The following TRMT44 variants were observed in gnomAD, a reference collection of about 807,000 sequenced individuals.
TRMT44 encodes probable tRNA (uracil-O(2)-)-methyltransferase.
TRMT44 carries 78 observed loss-of-function variants against 77.3 expected under a neutral mutation model. The observed-to-expected ratio is 1.01, with a 90% CI of 0.84 to 1.22. The LOEUF (loss-of-function observed/expected upper bound fraction) is 1.22. TRMT44 is among the 50% of genes most tolerant of loss of function. TRMT44 has a pLI of 0.00. For synonymous variants in TRMT44, 391 were observed against 383.3 expected, an observed-to-expected ratio of 1.02 and a Z score of -0.23; for missense variants, 1,090 against 964.4, an observed-to-expected ratio of 1.13 and a Z score of -1.73.
intron 6 of TRMT44, among the ~76,000 whole-genome samples, chr4:8,463,721 A>T (rs1345300356): frequency 6.6e-6 from 1 of 152,086 alleles, no homozygotes; most frequent in African/African-American, 2.4e-5. Context: ...CTTTTAAATG[A>T]TCCAAAGGCG....
intron 7 of TRMT44, 50 bp downstream of exon 7, chr4:8,464,141 T>TCTAAACAGTGGTGTCCAA: frequency 6.6e-7 from 1 of 1,509,198 alleles, no homozygotes; most frequent in Non-Finnish European, 9.2e-7. Context: ...TGCTTCATCT[T>TCTAAACAGTGGTGTCCAA]CTAAACAGTG....
chr4:8,468,195 A>G lies in TRMT44; in HGVS notation c.1776A>G (p.Arg592=). 8 of 1,614,236 alleles carry G rather than the reference A, an allele frequency of 5.0e-6. No individual in the cohort carries two copies. The highest frequency in any genetic ancestry group is 6.8e-6 in the Non-Finnish European group (8 of 1,180,046). The change falls in exon 9 of 11, where the codon AGA becomes AGG. Residue 592 remains arginine, a synonymous_variant. Transcript: ENST00000389737. ...EGPWLPGFHP[R]EKAERVRNCA... ...CCTGGCTACCTGGATTTCATCCCAG[A>G]GAAAAGGCTGAGCGTGTGAGGAACT... is the stretch of plus-strand genomic sequence containing the variant.
At chr4:8,491,463 G>C (rs1191245438) in intron 2 of TRMT44, among the ~76,000 whole-genome samples, 4 of 152,252 alleles carry the variant, frequency 2.6e-5, no homozygotes, top group Non-Finnish European at 5.9e-5. Flanking sequence ...AGCAGGGGGT[G>C]GTGCTCGTCG....
At chr4:8,505,782 G>A in the TRMT44 span, among the ~76,000 whole-genome samples, 2 of 152,204 alleles carry the variant, frequency 1.3e-5, no homozygotes, top group African/African-American at 2.4e-5. Context: ...CCTGGTGGGA[G>A]GTGATTGGAT....
At chr4:8,468,449 A>G (rs1358185354) in intron 9 of TRMT44, 103 bp downstream of exon 9, 2 of 1,228,910 alleles carry the variant, frequency 1.6e-6, no homozygotes, top group Non-Finnish European at 2.4e-6. Context: ...CCCTGTGACT[A>G]CACACTTTGA....
At chr4:8,472,647 CCT>C (rs1472144681) in intron 10 of TRMT44, among the ~76,000 whole-genome samples, 4 of 152,190 alleles carry the variant, frequency 2.6e-5, no homozygotes, top group African/African-American at 7.2e-5. Context: ...GCTGAACTGG[CCT>C]CTCTAGGTGA....
chr4:8,501,079 C>A, the TRMT44 span, among the ~76,000 whole-genome samples: 1 of 152,226 alleles, frequency 6.6e-6, no homozygotes, highest in Non-Finnish European at 1.5e-5. The surrounding 1 kb of genome is among the most constrained non-coding windows in gnomAD (Gnocchi z 4.4). Context: ...CCGGATGCAG[C>A]CCTGCCAGGC....
At chr4:8,468,387 C>T in intron 9 of TRMT44, 41 bp downstream of exon 9, 1 of 1,593,874 alleles carries the variant, frequency 6.3e-7, no homozygotes. Context: ...AGCACGCTCC[C>T]AGGCTTGAGG....
At chr4:8,482,897 G>A (rs535981771) in intron 2 of TRMT44, among the ~76,000 whole-genome samples, 22 of 134,476 alleles carry the variant, frequency 1.6e-4, no homozygotes, top group African/African-American at 4.1e-4. Context: ...GTGTGGGGGC[G>A]GCAAAAATTT....
chr4:8,468,094 G>C lies in TRMT44; in HGVS notation c.1675G>C (p.Ala559Pro). ...TGCTGGTCACTGTGACGGTCAGCAA[G>C]CTCTGGACGCCAGGGTCGGGTGTGT... ...GSAGHCDGQQ[A>P]LDARVGCVTR... The change falls in exon 9 of 11, where the codon GCT becomes CCT. Residue 559 changes from alanine to proline, a missense_variant. Physicochemically the swap from Ala to Pro is conservative, Grantham distance 27. Coordinates refer to ENST00000389737, the MANE Select transcript of TRMT44 (RefSeq NM_152544.3). 1 of 1,613,978 alleles carries C rather than the reference G, an allele frequency of 6.2e-7. No individual in the cohort carries two copies. The highest frequency in any genetic ancestry group is 8.5e-7 in the Non-Finnish European group (1 of 1,180,022).
At chr4:8,479,484 T>C (rs568276897), downstream of TRMT44, 5 of 152,110 alleles carry the variant, frequency 3.3e-5, no homozygotes, top group East Asian at 1.9e-4. Context: ...ACCAGACGCC[T>C]GCACAGCACA....
the TRMT44 span, among the ~76,000 whole-genome samples, chr4:8,507,937 G>T: frequency 2.6e-5 from 4 of 152,072 alleles, no homozygotes; most frequent in Admixed American, 2.6e-4. Flanking sequence ...ATGGAGTTTC[G>T]CTTTTGTTGC....
chr4:8,460,641 C>T (rs1394063338), intron 6 of TRMT44, among the ~76,000 whole-genome samples: 4 of 151,518 alleles, frequency 2.6e-5, no homozygotes, highest in Non-Finnish European at 5.9e-5. Flanking sequence ...GCAGCCTCCA[C>T]CTCCCAGGTT....
At chr4:8,504,267 C>A in the TRMT44 span, among the ~76,000 whole-genome samples, 1 of 152,200 alleles carries the variant, frequency 6.6e-6, no homozygotes, top group African/African-American at 2.4e-5. The surrounding 1 kb of genome is among the most constrained non-coding windows in gnomAD (Gnocchi z 5.3). Context: ...AAGTCTCCTG[C>A]GCTCCTGCAG....
At chr4:8,505,231 C>T in the TRMT44 span, among the ~76,000 whole-genome samples, 2 of 152,228 alleles carry the variant, frequency 1.3e-5, no homozygotes, top group Non-Finnish European at 2.9e-5. Context: ...GCTGTGACTC[C>T]TCACCCCTCA....
downstream of TRMT44, among the ~76,000 whole-genome samples, chr4:8,497,347 A>G (rs1316516641): frequency 2.0e-5 from 3 of 152,240 alleles, no homozygotes; most frequent in Admixed American, 2.0e-4. Context: ...AAGCCAGCTT[A>G]TAAAAACCCT....
chr4:8,451,906 G>A lies in TRMT44; in HGVS notation c.955-54G>A. On this transcript the variant is annotated intron_variant, in intron 3 of 10. Coordinates refer to ENST00000389737, the MANE Select transcript of TRMT44 (RefSeq NM_152544.3). The surrounding 1 kb of genome is among the most constrained non-coding windows in gnomAD (Gnocchi z 4.1). ...TTTATAGGGATACTTAAAGTATTGG[G>A]AAATGGTGGTGGGGAAACCGAACAA... is the stretch of plus-strand genomic sequence containing the variant. 1 of 1,462,914 alleles carries A rather than the reference G, an allele frequency of 6.8e-7. No individual in the cohort carries two copies. The highest frequency in any genetic ancestry group is 9.3e-7 in the Non-Finnish European group (1 of 1,080,216). 90.6% of individuals were successfully genotyped at this position (1,462,914 alleles called of 1,614,324 possible).
intron 2 of TRMT44, among the ~76,000 whole-genome samples, chr4:8,483,070 A>G (rs1411841619): frequency 6.6e-6 from 1 of 152,126 alleles, no homozygotes; most frequent in Non-Finnish European, 1.5e-5. Flanking sequence ...TTTGTTGTGT[A>G]GAATTATTGG....
downstream of TRMT44, among the ~76,000 whole-genome samples, chr4:8,496,464 T>C (rs1577072631): frequency 6.6e-6 from 1 of 151,764 alleles, no homozygotes; most frequent in South Asian, 2.1e-4. Context: ...AAGGCAGGAG[T>C]GTGTGTTTGC....
Sources: gnomAD v4.1 joint callset for allele counts (sites outside exome capture counted in the v4.1 genomes callset) on GRCh38, gnomAD v4.1.1 for gene constraint, Gnocchi (gnomAD v3.1) non-coding constraint, MANE v1.5 for transcripts, NCBI Gene and HGNC (gene_info 2026-07-23, HGNC 2026-07-21) for gene names.